TMEM117: variants seen among roughly 807,000 people sequenced by gnomAD.
TMEM117 encodes the protein transmembrane protein 117.
A neutral mutation model predicts 52.4 loss-of-function variants in TMEM117; 27 were observed. That is an observed-to-expected ratio of 0.51 (90% confidence interval 0.38 to 0.71). The LOEUF (loss-of-function observed/expected upper bound fraction) is 0.71. Ranked by LOEUF, TMEM117 falls within the 30% of genes least tolerant of loss-of-function variation. The probability of loss-of-function intolerance (pLI) is 0.00; values close to 1 mark genes in which losing one functional copy is unlikely to be tolerated. For missense variants in TMEM117, 556 were observed against 630.5 expected (o/e 0.88, Z 1.26); for synonymous variants, 215 against 206.3 (o/e 1.04, Z -0.36).
intron 3 of TMEM117, among the ~76,000 whole-genome samples, chr12:44,084,996 A>T (rs2138024503): frequency 6.6e-6 from 1 of 152,322 alleles, no homozygotes; most frequent in South Asian, 2.1e-4. Flanking sequence ...GGTTGCTGTG[A>T]AGATTCAATA....
At chr12:43,963,279 A>G (rs982677556) in intron 3 of TMEM117, among the ~76,000 whole-genome samples, 16 of 152,058 alleles carry the variant, frequency 1.1e-4, no homozygotes, top group African/African-American at 3.9e-4. Context: ...AATAAAATCT[A>G]GTTATTAAAG....
intron 5 of TMEM117, among the ~76,000 whole-genome samples, chr12:44,242,238 G>T (rs996855869): frequency 1.3e-5 from 2 of 151,496 alleles, no homozygotes; most frequent in Admixed American, 6.6e-5. Context: ...CATCACCCAG[G>T]TATTAAGCCT....
chr12:44,111,076 G>T (rs1412461464), intron 3 of TMEM117, among the ~76,000 whole-genome samples: 1 of 7,666 alleles, frequency 1.3e-4, no homozygotes, highest in East Asian at 3.1e-3. Flanking sequence ...TTTTTATTGT[G>T]TCTATTTGAT....
intron 6 of TMEM117, among the ~76,000 whole-genome samples, chr12:44,340,533 C>T (rs1048030096): frequency 3.3e-5 from 5 of 152,080 alleles, no homozygotes; most frequent in African/African-American, 7.2e-5. Context: ...CAGCCAGTCT[C>T]GAGCTACAGA....
chr12:44,213,478 T>C (rs1592611025), intron 5 of TMEM117, among the ~76,000 whole-genome samples: 2 of 152,192 alleles, frequency 1.3e-5, no homozygotes, highest in South Asian at 4.1e-4. Context: ...TTATGGATGG[T>C]CTCTCTTAAA....
At chr12:44,091,908 A>T (rs533792552) in intron 3 of TMEM117, among the ~76,000 whole-genome samples, 3 of 152,154 alleles carry the variant, frequency 2.0e-5, no homozygotes, top group Non-Finnish European at 4.4e-5. Context: ...ATATATTTGG[A>T]TATGTTAGCT....
chr12:43,994,492 A>C (rs1353124342), intron 3 of TMEM117, among the ~76,000 whole-genome samples: 1 of 152,180 alleles, frequency 6.6e-6, no homozygotes, highest in African/African-American at 2.4e-5. Flanking sequence ...TGCAATCTTT[A>C]AGCTTTGTTA....
At chr12:44,278,527 T>A (rs1328189183) in intron 5 of TMEM117, among the ~76,000 whole-genome samples, 21 of 152,228 alleles carry the variant, frequency 1.4e-4, no homozygotes, top group Admixed American at 1.4e-3. Context: ...ATACATATAT[T>A]ACTGCAGCAG....
At chr12:44,097,066 A>C (rs1214212932) in intron 3 of TMEM117, among the ~76,000 whole-genome samples, 2 of 152,256 alleles carry the variant, frequency 1.3e-5, no homozygotes, top group Admixed American at 6.5e-5. Context: ...ATATGAACAG[A>C]CACTTCTCAA....
chr12:43,982,308 T>C (rs1038198557), intron 3 of TMEM117, among the ~76,000 whole-genome samples: 3 of 152,056 alleles, frequency 2.0e-5, no homozygotes, highest in Non-Finnish European at 4.4e-5. Flanking sequence ...TGAGTGTGAA[T>C]CTGAATAAGG....
At chr12:44,243,530 A>G (rs1372637504) in intron 5 of TMEM117, among the ~76,000 whole-genome samples, 1 of 151,902 alleles carries the variant, frequency 6.6e-6, no homozygotes, top group Non-Finnish European at 1.5e-5. Context: ...TATATTTATG[A>G]GGTACAATGT....
chr12:44,258,167 CA>C (rs1950280924), intron 5 of TMEM117, among the ~76,000 whole-genome samples: 1 of 152,088 alleles, frequency 6.6e-6, no homozygotes, highest in African/African-American at 2.4e-5. Flanking sequence ...CATTTATCAA[CA>C]AAATGCATTT....
At chr12:44,026,660 C>T (rs1489440041) in intron 3 of TMEM117, among the ~76,000 whole-genome samples, 1 of 152,066 alleles carries the variant, frequency 6.6e-6, no homozygotes, top group African/African-American at 2.4e-5. Context: ...TTTCCCAGAT[C>T]TCTTAATTGG....
chr12:43,977,901 G>A (rs1945698327), intron 3 of TMEM117, among the ~76,000 whole-genome samples: 1 of 152,146 alleles, frequency 6.6e-6, no homozygotes, highest in South Asian at 2.1e-4. Context: ...GTGCTAATTA[G>A]GTGAGAATAG....
chr12:44,132,775 C>A (rs1043349367), intron 3 of TMEM117, among the ~76,000 whole-genome samples: 1 of 152,044 alleles, frequency 6.6e-6, no homozygotes, highest in Non-Finnish European at 1.5e-5. Flanking sequence ...CTCACTCCAC[C>A]AAGTTTATGT....
chr12:44,082,463 A>G (rs1475791131), intron 3 of TMEM117, among the ~76,000 whole-genome samples: 1 of 151,970 alleles, frequency 6.6e-6, no homozygotes, highest in Non-Finnish European at 1.5e-5. Context: ...ATATTACTAA[A>G]TATTTTTATC....
intron 3 of TMEM117, among the ~76,000 whole-genome samples, chr12:44,092,044 A>G (rs1403145213): frequency 6.6e-6 from 1 of 152,226 alleles, no homozygotes; most frequent in Non-Finnish European, 1.5e-5. Context: ...ATGTGACACA[A>G]GAAGATACTC....
intron 2 of TMEM117, among the ~76,000 whole-genome samples, chr12:43,897,181 T>G (rs1387182554): frequency 6.6e-6 from 1 of 152,220 alleles, no homozygotes; most frequent in East Asian, 1.9e-4. Context: ...TTCCTCAGTC[T>G]CTCACCATAT....
chr12:43,799,478 T>C, the TMEM117 span: 1 of 1,606,230 alleles, frequency 6.2e-7, no homozygotes, highest in South Asian at 1.1e-5. Flanking sequence ...AAGTATTTTT[T>C]ATATCCATGT....
Sources: gnomAD v4.1 joint callset for allele counts (sites outside exome capture counted in the v4.1 genomes callset) on GRCh38, gnomAD v4.1.1 for gene constraint, MANE v1.5 for transcripts, NCBI Gene and HGNC (gene_info 2026-07-23, HGNC 2026-07-21) for gene names.